The following STK32B variants were observed in gnomAD, a reference collection of about 807,000 sequenced individuals.
The protein encoded by STK32B is serine/threonine-protein kinase 32B.
Under a neutral mutation model 52.6 loss-of-function variants are expected in STK32B, and 43 were observed. The ratio of observed to expected loss-of-function variants is 0.82; its 90% CI spans 0.64 to 1.05. The LOEUF is 1.05. Among genes scored for constraint, STK32B ranks in the 50% least tolerant of loss-of-function variants. STK32B has a pLI of 0.00. For missense variants in STK32B, 621 were observed against 534.6 expected (o/e 1.16, Z -1.59); for synonymous variants, 238 against 204.3 (o/e 1.17, Z -1.41).
intron 4 of STK32B, among the ~76,000 whole-genome samples, chr4:5,348,547 G>T (rs1733616436): frequency 6.6e-6 from 1 of 152,152 alleles, no homozygotes; most frequent in African/African-American, 2.4e-5. Context: ...TGTGCTGTGA[G>T]GACAAATTCC....
At chr4:5,284,147 TATC>T (rs981936370) in intron 3 of STK32B, among the ~76,000 whole-genome samples, 1 of 152,174 alleles carries the variant, frequency 6.6e-6, no homozygotes, top group African/African-American at 2.4e-5. Context: ...GGCACATTTT[TATC>T]ATCTTAAATT....
At chr4:5,215,135 C>A (rs1338626348) in intron 3 of STK32B, among the ~76,000 whole-genome samples, 1 of 152,174 alleles carries the variant, frequency 6.6e-6, no homozygotes, top group African/African-American at 2.4e-5. Flanking sequence ...TCTCTGGGAA[C>A]AAACAATGAC....
intron 3 of STK32B, among the ~76,000 whole-genome samples, chr4:5,308,646 A>G (rs1008798607): frequency 5.3e-5 from 8 of 152,204 alleles, no homozygotes; most frequent in Non-Finnish European, 8.8e-5. Context: ...ATGCAGGGAC[A>G]TGATTCCTTT....
chr4:5,060,631 G>C (rs1165265687), intron 1 of STK32B, among the ~76,000 whole-genome samples: 1 of 151,880 alleles, frequency 6.6e-6, no homozygotes, highest in Non-Finnish European at 1.5e-5. Flanking sequence ...ATTTCACTTA[G>C]GAGTTTCCAA....
At chr4:5,464,860 A>G (rs1454519494) in intron 9 of STK32B, among the ~76,000 whole-genome samples, 1 of 152,186 alleles carries the variant, frequency 6.6e-6, no homozygotes. Context: ...CTGCATATTT[A>G]TGAACGAATG....
chr4:5,350,156 T>G (rs952109122), intron 4 of STK32B, among the ~76,000 whole-genome samples: 9 of 152,150 alleles, frequency 5.9e-5, no homozygotes, highest in Admixed American at 5.9e-4. Flanking sequence ...AAAGGTTTAC[T>G]CCATGGCACA....
chr4:5,140,605 C>T (rs1716365165), intron 2 of STK32B, among the ~76,000 whole-genome samples: 1 of 152,178 alleles, frequency 6.6e-6, no homozygotes, highest in African/African-American at 2.4e-5. Context: ...CCCTTGGCCA[C>T]ATAGGCGGGA....
chr4:5,248,270 A>G (rs1443581701), intron 3 of STK32B, among the ~76,000 whole-genome samples: 1 of 152,120 alleles, frequency 6.6e-6, no homozygotes, highest in Non-Finnish European at 1.5e-5. Context: ...AATACATGTT[A>G]TTTTCTATAG....
At chr4:5,413,904 C>T (rs1360773569) in intron 5 of STK32B, among the ~76,000 whole-genome samples, 1 of 152,178 alleles carries the variant, frequency 6.6e-6, no homozygotes, top group Non-Finnish European at 1.5e-5. Flanking sequence ...GTTTATAGTG[C>T]CATCAATTAT....
chr4:5,442,469 C>T (rs1294491604), intron 6 of STK32B, among the ~76,000 whole-genome samples: 1 of 151,094 alleles, frequency 6.6e-6, no homozygotes, highest in Admixed American at 6.6e-5. Context: ...AGATCTTCCT[C>T]CATCCTTTTA....
intron 4 of STK32B, among the ~76,000 whole-genome samples, chr4:5,384,299 T>C (rs1425745627): frequency 6.6e-6 from 1 of 151,936 alleles, no homozygotes; most frequent in African/African-American, 2.4e-5. Flanking sequence ...ATGCAGGAAC[T>C]CTGGAGGGGA....
rs114107097 is a variant in STK32B at position 5,308,332 on chromosome 4, G to T, written c.261-22888G>T. On this transcript the variant is annotated intron_variant, in intron 3 of 11. Coordinates refer to ENST00000282908, the MANE Select transcript of STK32B (RefSeq NM_018401.3). Reference sequence around the variant, plus strand: ...AGTAGTTCTTGGAACAGAAGTTCACGAGTGGTTCTCCACATGCTACTCTGT... The same window carrying T: ...AGTAGTTCTTGGAACAGAAGTTCACTAGTGGTTCTCCACATGCTACTCTGT... Among the ~76,000 whole-genome samples the T allele has an allele frequency of 3.7e-3, 557 of 152,212 alleles. 2 individuals are homozygous for T. The highest frequency in any genetic ancestry group is 0.012 in the African/African-American group (501 of 41,546).
At chr4:5,137,580 A>G (rs114485155) in intron 1 of STK32B, among the ~76,000 whole-genome samples, 1 of 152,118 alleles carries the variant, frequency 6.6e-6, no homozygotes, top group Non-Finnish European at 1.5e-5. Context: ...TGAGCTCTTT[A>G]TGGAATGTAG....
intron 6 of STK32B, among the ~76,000 whole-genome samples, chr4:5,444,687 A>T (rs1409273663): frequency 1.3e-5 from 2 of 152,212 alleles, no homozygotes; most frequent in Admixed American, 6.5e-5. Flanking sequence ...ATGTTCATGG[A>T]GCACTCACTA....
intron 1 of STK32B, 42 bp downstream of exon 1, chr4:5,051,957 C>T (rs752278430): frequency 6.4e-7 from 1 of 1,557,226 alleles, no homozygotes; most frequent in African/African-American, 1.4e-5. Context: ...CGCGGGGCAT[C>T]CCCTTCCTCC....
At chr4:5,321,097 G>A (rs1372628135) in intron 3 of STK32B, among the ~76,000 whole-genome samples, 1 of 152,038 alleles carries the variant, frequency 6.6e-6, no homozygotes, top group African/African-American at 2.4e-5. Context: ...TCAGAGGGAG[G>A]GGGTTGGAGC....
chr4:5,134,792 T>C (rs1470606628), intron 1 of STK32B, among the ~76,000 whole-genome samples: 3 of 152,234 alleles, frequency 2.0e-5, no homozygotes, highest in Non-Finnish European at 4.4e-5. Context: ...TGCTTACTTT[T>C]CTTGCTTGAT....
chr4:5,265,242 C>T (rs1726984288), intron 3 of STK32B, among the ~76,000 whole-genome samples: 1 of 152,240 alleles, frequency 6.6e-6, no homozygotes, highest in East Asian at 1.9e-4. Context: ...CTCAGAATTA[C>T]ACCACCTGAC....
At chr4:5,424,815 C>G (rs1474890510) in intron 6 of STK32B, among the ~76,000 whole-genome samples, 1 of 152,130 alleles carries the variant, frequency 6.6e-6, no homozygotes, top group Non-Finnish European at 1.5e-5. Flanking sequence ...ACGTTGTGAA[C>G]ACAAGAAGGA....
Sources: gnomAD v4.1 joint callset for allele counts (sites outside exome capture counted in the v4.1 genomes callset) on GRCh38, gnomAD v4.1.1 for gene constraint, MANE v1.5 for transcripts, NCBI Gene and HGNC (gene_info 2026-07-23, HGNC 2026-07-21) for gene names.